The following CELF4 variants were observed in gnomAD, a reference collection of about 807,000 sequenced individuals.
The protein encoded by CELF4 is CUGBP Elav-like family member 4.
CELF4 carries 18 observed loss-of-function variants against 59.9 expected under a neutral mutation model. The observed-to-expected ratio is 0.30, with a 90% confidence interval of 0.21 to 0.45. CELF4 has a LOEUF of 0.45. Ranked by LOEUF, CELF4 falls within the 20% of genes least tolerant of loss-of-function variation. The probability of loss-of-function intolerance (pLI) is 1.00; values close to 1 mark genes in which losing one functional copy is unlikely to be tolerated. For synonymous variants in CELF4, 261 were observed against 267.1 expected (o/e 0.98, Z 0.22); for missense variants, 456 against 689.0 (o/e 0.66, Z 3.79).
intron 1 of CELF4, among the ~76,000 whole-genome samples, chr18:37,555,419 C>T (rs867530430): frequency 4.6e-5 from 7 of 152,166 alleles, no homozygotes; most frequent in African/African-American, 7.2e-5. Flanking sequence ...TCTGTTTCCC[C>T]GGTCTCCTTG....
chr18:37,493,445 C>A (rs1034771357), intron 1 of CELF4, among the ~76,000 whole-genome samples: 1 of 152,216 alleles, frequency 6.6e-6, no homozygotes, highest in Non-Finnish European at 1.5e-5. Context: ...GGCCCCCTTT[C>A]CCCCAGTGGC....
At chr18:37,261,244 C>A (rs374193714) in intron 10 of CELF4, among the ~76,000 whole-genome samples, 22 of 152,048 alleles carry the variant, frequency 1.4e-4, no homozygotes, top group African/African-American at 4.8e-4. Flanking sequence ...TCCAGCCCCC[C>A]CCACACCTCC....
At chr18:37,247,493 A>G (rs1351022353) in intron 12 of CELF4, 1 of 151,974 alleles carries the variant, frequency 6.6e-6, no homozygotes, top group Non-Finnish European at 1.5e-5. Context: ...AAAAGAAAAT[A>G]TATTTATACA....
rs1467552800 is a variant in CELF4, at chr18:37,273,024, G to T, written c.941C>A (p.Pro314Gln). The T allele has an allele frequency of 6.2e-7, 1 of 1,608,444 alleles. No homozygotes were observed. The part of the protein sequence containing the change: ...MNGLAAAPMT[P>Q]TSGGSTPPGI... ...GGCACCTGCCAGCTCACCTGAGGTTGGGGTCATAGGTGCGGCCGCCAGGCC... is the reference window on the plus strand; with the variant it reads ...GGCACCTGCCAGCTCACCTGAGGTTTGGGTCATAGGTGCGGCCGCCAGGCC... Residue 314 changes from proline (P) to glutamine (Q), a missense_variant, in exon 7 of 13, where the codon CCA becomes CAA. By Grantham distance (76) the Pro-to-Gln change is moderately conservative. Around this residue, in one of 7 missense-constraint regions of CELF4, gnomAD observed 256 missense variants for 340.8 expected, o/e 0.75. Coordinates refer to ENST00000420428, the MANE Select transcript of CELF4 (RefSeq NM_020180.4).
At chr18:37,494,336 A>G (rs1313360603) in intron 1 of CELF4, among the ~76,000 whole-genome samples, 1 of 152,186 alleles carries the variant, frequency 6.6e-6, no homozygotes, top group African/African-American at 2.4e-5. Context: ...GTCAGGGCTG[A>G]TGGGCCCATG....
chr18:37,540,929 CTGGAGG>C (rs75539701), intron 1 of CELF4, among the ~76,000 whole-genome samples: 10,078 of 152,070 alleles, frequency 0.066, 445 homozygotes, highest in East Asian at 0.21. Flanking sequence ...GAGCACCTGC[CTGGAGG>C]TGGAGTGGGG....
At chr18:37,415,801 A>G (rs2099522999) in intron 2 of CELF4, among the ~76,000 whole-genome samples, 1 of 152,240 alleles carries the variant, frequency 6.6e-6, no homozygotes, top group Admixed American at 6.5e-5. Flanking sequence ...CACATTTATG[A>G]ATAATTTCAG....
intron 1 of CELF4, among the ~76,000 whole-genome samples, chr18:37,498,799 C>T (rs2099928177): frequency 6.6e-6 from 1 of 152,074 alleles, no homozygotes; most frequent in Non-Finnish European, 1.5e-5. Context: ...GGAGGTGGGT[C>T]TGGCTATGAC....
chr18:37,256,727 G>C (rs1183859482), intron 11 of CELF4, among the ~76,000 whole-genome samples: 1 of 152,126 alleles, frequency 6.6e-6, no homozygotes, highest in Non-Finnish European at 1.5e-5. Flanking sequence ...TGGGATTACA[G>C]GCGCACACCA....
chr18:37,352,633 T>A (rs908565343), intron 2 of CELF4, among the ~76,000 whole-genome samples: 11 of 151,996 alleles, frequency 7.2e-5, no homozygotes, highest in African/African-American at 2.7e-4. Context: ...ATTTTAAGTA[T>A]CTGCTTTGGA....
chr18:37,470,344 G>C (rs2099818019), intron 2 of CELF4, among the ~76,000 whole-genome samples: 1 of 152,166 alleles, frequency 6.6e-6, no homozygotes, highest in Admixed American at 6.5e-5. Flanking sequence ...CATTAAAGCA[G>C]TGTTGGACAT....
chr18:37,378,129 A>G (rs1425099600), intron 2 of CELF4, among the ~76,000 whole-genome samples: 3 of 152,132 alleles, frequency 2.0e-5, no homozygotes, highest in African/African-American at 7.2e-5. Flanking sequence ...CCTTGCCCAC[A>G]GGTTGACCCT....
At chr18:37,321,970 G>T in intron 2 of CELF4, 89 bp from the exon 3 acceptor site, 1 of 1,008,940 alleles carries the variant, frequency 9.9e-7, no homozygotes, top group Non-Finnish European at 1.5e-6. Flanking sequence ...GTGAATGCGA[G>T]TATACAGACT....
At chr18:37,544,669 G>A (rs1047250219) in intron 1 of CELF4, among the ~76,000 whole-genome samples, 1 of 152,204 alleles carries the variant, frequency 6.6e-6, no homozygotes, top group Non-Finnish European at 1.5e-5. Context: ...AAGAGTGTGA[G>A]ATTGGGATCC....
chr18:37,416,196 G>GTCCA (rs2099526850), intron 2 of CELF4, among the ~76,000 whole-genome samples: 2 of 56,542 alleles, frequency 3.5e-5, no homozygotes, highest in Non-Finnish European at 8.1e-5. Context: ...CCATCCATCC[G>GTCCA]TCCATCCATC....
At chr18:37,259,433 G>A (rs1389831584) in intron 10 of CELF4, among the ~76,000 whole-genome samples, 169 bp from the exon 11 acceptor site, 1 of 152,172 alleles carries the variant, frequency 6.6e-6, no homozygotes, top group Non-Finnish European at 1.5e-5. Context: ...AGGCAGGGAT[G>A]CTGAGCCCCG....
intron 1 of CELF4, among the ~76,000 whole-genome samples, chr18:37,513,530 C>T (rs1365469958): frequency 2.0e-5 from 3 of 152,150 alleles, no homozygotes; most frequent in African/African-American, 4.8e-5. Context: ...TGGGCAGGGG[C>T]GTGGACCATT....
chr18:37,475,067 G>C (rs2099844918), intron 2 of CELF4, among the ~76,000 whole-genome samples: 5 of 152,222 alleles, frequency 3.3e-5, no homozygotes, highest in Admixed American at 3.3e-4. Context: ...ATTGGCTCTA[G>C]AGTCCCAGTG....
At chr18:37,517,076 G>A (rs899265572) in intron 1 of CELF4, among the ~76,000 whole-genome samples, 4 of 152,158 alleles carry the variant, frequency 2.6e-5, no homozygotes, top group Admixed American at 2.0e-4. Flanking sequence ...GGATGGGTGA[G>A]GCAACTGGCT....
Sources: gnomAD v4.1 joint callset for allele counts (sites outside exome capture counted in the v4.1 genomes callset) on GRCh38, gnomAD v4.1.1 for gene constraint, gnomAD v4.1.1 regional missense constraint, MANE v1.5 for transcripts, NCBI Gene and HGNC (gene_info 2026-07-23, HGNC 2026-07-21) for gene names.